Variants in PCED1B observed in about 807,000 individuals in gnomAD.
The protein encoded by PCED1B is PC-esterase domain containing 1B.
For missense variants in PCED1B, 573 were observed against 573.9 expected (o/e 1.00, Z 0.02); for synonymous variants, 251 against 246.1 (o/e 1.02, Z -0.19).
At chr12:47,201,240 G>A (rs1942754395) in intron 2 of PCED1B, among the ~76,000 whole-genome samples, 1 of 152,232 alleles carries the variant, frequency 6.6e-6, no homozygotes, top group Non-Finnish European at 1.5e-5. Flanking sequence ...TCCAGGTGCA[G>A]GGGCTTTCAG....
At chr12:47,212,138 G>A in intron 2 of PCED1B, among the ~76,000 whole-genome samples, 1 of 151,806 alleles carries the variant, frequency 6.6e-6, no homozygotes. Context: ...GGGCATGGTG[G>A]CTCACTCCTG....
chr12:47,224,374 A>G (rs994541814), intron 3 of PCED1B, among the ~76,000 whole-genome samples: 4 of 152,226 alleles, frequency 2.6e-5, no homozygotes, highest in African/African-American at 7.2e-5. Flanking sequence ...GGCGTTGTTT[A>G]TATTAGACTA....
intron 2 of PCED1B, among the ~76,000 whole-genome samples, chr12:47,158,828 A>G (rs982904435): frequency 1.3e-5 from 2 of 152,178 alleles, no homozygotes; most frequent in Admixed American, 6.5e-5. Flanking sequence ...GTTATTAACT[A>G]TAGTAACCCT....
intron 3 of PCED1B, 43 bp from the exon 4 acceptor site, chr12:47,234,964 C>G (rs1943925269): frequency 8.4e-7 from 1 of 1,193,360 alleles, no homozygotes; most frequent in African/African-American, 1.5e-5. Context: ...GGCGCTCCGC[C>G]CAGAGGTGAG....
intron 2 of PCED1B, among the ~76,000 whole-genome samples, chr12:47,105,757 A>G (rs1007342883): frequency 6.6e-6 from 1 of 152,166 alleles, no homozygotes; most frequent in African/African-American, 2.4e-5. Context: ...AGCAGCTTTA[A>G]TGCTGTTTGT....
At chr12:47,154,369 G>A (rs1941117525) in intron 2 of PCED1B, among the ~76,000 whole-genome samples, 1 of 152,056 alleles carries the variant, frequency 6.6e-6, no homozygotes, top group East Asian at 1.9e-4. Flanking sequence ...CTGGGGTTTT[G>A]TTTTGTTTTG....
At chr12:47,130,270 G>T (rs978671632) in intron 2 of PCED1B, among the ~76,000 whole-genome samples, 4 of 152,132 alleles carry the variant, frequency 2.6e-5, no homozygotes, top group South Asian at 2.1e-4. Flanking sequence ...ACAAAAAAAG[G>T]GTAGGGTAGA....
intron 2 of PCED1B, among the ~76,000 whole-genome samples, chr12:47,161,025 C>A (rs1941360603): frequency 6.6e-6 from 1 of 152,204 alleles, no homozygotes; most frequent in South Asian, 2.1e-4. Context: ...TCCCCTTTGA[C>A]CTTCCACCAG....
intron 2 of PCED1B, among the ~76,000 whole-genome samples, chr12:47,196,346 C>G (rs1443886273): frequency 1.3e-5 from 2 of 152,188 alleles, no homozygotes; most frequent in African/African-American, 4.8e-5. Flanking sequence ...ATTTGTGCCT[C>G]AGTTTTCTGA....
rs992484764 is a variant in PCED1B at position 47,236,168 on chromosome 12, G to A, written c.1105G>A (p.Val369Ile). ...CTCATCAGCCCATGCAGGTTTCTTC[G>A]TCGAAGACAATTTTATGGTTGGTCC... ...VPSSAHAGFF[V>I]EDNFMVGPQL... is the part of the protein sequence containing the mutation. Residue 369 changes from valine (V) to isoleucine (I), a missense_variant, in exon 4 of 4, where the codon GTC becomes ATC. Physicochemically the swap from Val to Ile is conservative, Grantham distance 29. Transcript: ENST00000546455. 13 of 1,613,856 alleles carry A rather than the reference G, an allele frequency of 8.1e-6. No individual in the cohort carries two copies. Among genetic ancestry groups the A allele is most frequent in the Admixed American group, 1.7e-5 (1 of 59,972 alleles).
At chr12:47,191,778 T>A (rs1252956746) in intron 2 of PCED1B, among the ~76,000 whole-genome samples, 2 of 151,144 alleles carry the variant, frequency 1.3e-5, no homozygotes, top group Non-Finnish European at 3.0e-5. Flanking sequence ...AGTTTTGGGG[T>A]TTTTTTGGTT....
At chr12:47,218,960 G>A (rs1325712897) in intron 3 of PCED1B, among the ~76,000 whole-genome samples, 1 of 152,022 alleles carries the variant, frequency 6.6e-6, no homozygotes, top group African/African-American at 2.4e-5. Context: ...GGCCAACACG[G>A]TGAAACTCCG....
In PCED1B at chr12:47,235,054, C is replaced by T. The variant is rs1293437801; in HGVS notation, c.-10C>T. ...CAAAGGAAGGAGCTAGGCTGTGCGC[C>T]CTGGGCGTCATGATCCTTCTGCGGG... On this transcript the variant is annotated 5_prime_UTR_variant, in exon 4 of 4. Transcript: ENST00000546455. 2 of 1,522,392 alleles carry T rather than the reference C, an allele frequency of 1.3e-6. No individual in the cohort carries two copies. The highest frequency in any genetic ancestry group is 2.2e-5 in the Admixed American group (1 of 44,892). The allele number at this position is 1,522,392 out of a possible 1,614,324, so 94.3% of individuals were successfully genotyped here.
chr12:47,084,736 C>G (rs1026835725), intron 1 of PCED1B, among the ~76,000 whole-genome samples: 3 of 152,112 alleles, frequency 2.0e-5, no homozygotes, highest in African/African-American at 7.2e-5. Flanking sequence ...TTCCACTTAC[C>G]CAGAGTCTTG....
chr12:47,150,645 C>T (rs760952312), intron 2 of PCED1B, among the ~76,000 whole-genome samples: 41 of 151,498 alleles, frequency 2.7e-4, no homozygotes, highest in Non-Finnish European at 4.7e-4. Context: ...GTGGGGGACT[C>T]ACCCATGTTG....
rs138664097 is a variant in PCED1B at position 47,180,210 on chromosome 12, G to A, written c.-525-36012G>A. ...ATGCAGTGTTTGGTTTTCTGTTCCC[G>A]TGTTAGTTTGCTGAGGATAATGGCT... is the stretch of plus-strand genomic sequence containing the variant. On this transcript the variant is annotated intron_variant, in intron 2 of 3. Coordinates refer to ENST00000546455, the MANE Select transcript of PCED1B (RefSeq NM_138371.3). Among the ~76,000 whole-genome samples the A allele has an allele frequency of 5.4e-3, 824 of 152,256 alleles. 11 individuals carry two copies. The highest frequency in any genetic ancestry group is 0.018 in the African/African-American group (755 of 41,546).
At chr12:47,102,011 A>G (rs1938729892) in intron 1 of PCED1B, among the ~76,000 whole-genome samples, 1 of 152,180 alleles carries the variant, frequency 6.6e-6, no homozygotes. Flanking sequence ...GAACTCAGAG[A>G]AATCATTTGT....
chr12:47,233,134 G>C lies in PCED1B; in HGVS notation c.-57-1873G>C, dbSNP rs143825838. Among the ~76,000 whole-genome samples the C allele has an allele frequency of 6.4e-3, 975 of 152,174 alleles. 6 individuals carry two copies. The highest frequency in any genetic ancestry group is 0.023 in the African/African-American group (936 of 41,518). On this transcript the variant is annotated intron_variant, in intron 3 of 3. Transcript: ENST00000546455. ...TTGCCCAGGCTGGTCTCGAACTCCT[G>C]AGCTCAAGTGATCCCTTCCACCTTG...
At chr12:47,108,886 A>G (rs1939073332) in intron 2 of PCED1B, among the ~76,000 whole-genome samples, 1 of 152,212 alleles carries the variant, frequency 6.6e-6, no homozygotes, top group African/African-American at 2.4e-5. Context: ...TGTCTCTACA[A>G]AAAATAATAG....
Sources: gnomAD v4.1 joint callset for allele counts (sites outside exome capture counted in the v4.1 genomes callset) on GRCh38, gnomAD v4.1.1 for gene constraint, MANE v1.5 for transcripts, NCBI Gene and HGNC (gene_info 2026-07-23, HGNC 2026-07-21) for gene names.